The following ASB5 variants were observed in gnomAD, a reference collection of about 807,000 sequenced individuals.
The protein encoded by ASB5 is ankyrin repeat and SOCS box containing 5, also known as ankyrin repeat and SOCS box protein 5.
A neutral mutation model predicts 42.1 loss-of-function variants in ASB5; 45 were observed. That is an observed-to-expected ratio of 1.07 (90% confidence interval 0.84 to 1.37). The LOEUF is 1.37. Among genes scored for constraint, ASB5 ranks in the 40% most tolerant of loss-of-function variants. The pLI is 0.00. For missense variants in ASB5, 402 were observed against 399.8 expected, an observed-to-expected ratio of 1.01 and a Z score of -0.05; for synonymous variants, 147 against 150.6, an observed-to-expected ratio of 0.98 and a Z score of 0.18.
chr4:176,225,370 G>C, intron 1 of ASB5, 29 bp from the exon 2 acceptor site: 2 of 1,591,396 alleles, frequency 1.3e-6, no homozygotes, highest in Non-Finnish European at 1.7e-6. Flanking sequence ...AGAAAGAAAA[G>C]AAAACAAAAA....
intron 1 of ASB5, chr4:176,237,647 A>T: frequency 1.0e-5 from 9 of 890,644 alleles, no homozygotes; most frequent in Non-Finnish European, 1.2e-5. Flanking sequence ...ATGCTGGAGC[A>T]TTTTCTATTT....
At chr4:176,221,689 T>A (rs1039875558) in intron 3 of ASB5, 89 bp from the exon 4 acceptor site, 12 of 1,231,900 alleles carry the variant, frequency 9.7e-6, no homozygotes, top group Non-Finnish European at 1.3e-5. Context: ...TGTGATTTGC[T>A]AACAGAAATA....
At chr4:176,240,881 G>T (rs1753796895) in intron 1 of ASB5, among the ~76,000 whole-genome samples, 1 of 152,092 alleles carries the variant, frequency 6.6e-6, no homozygotes, top group African/African-American at 2.4e-5. Flanking sequence ...GTCAGAAAAA[G>T]AACATCAGGA....
chr4:176,216,708 C>T (rs1752979599), intron 6 of ASB5, 110 bp downstream of exon 6: 3 of 900,540 alleles, frequency 3.3e-6, no homozygotes, highest in Non-Finnish European at 5.0e-6. Flanking sequence ...AAATAATATT[C>T]CACATTTTAT....
intron 2 of ASB5, 95 bp downstream of exon 2, chr4:176,225,167 T>TGTA: frequency 1.1e-6 from 1 of 942,572 alleles, no homozygotes; most frequent in Non-Finnish European, 1.6e-6. Context: ...AGAAGTAAAA[T>TGTA]GTAAGTGGTT....
At chr4:176,274,947 C>T (rs1754538742) in intron 2 of ASB5, among the ~76,000 whole-genome samples, 1 of 120,094 alleles carries the variant, frequency 8.3e-6, no homozygotes, top group Non-Finnish European at 1.6e-5. Context: ...TGGAGTCTTA[C>T]TCTGTCGCCC....
chr4:176,217,039 T>A, intron 5 of ASB5, 30 bp from the exon 6 acceptor site: 2 of 1,527,578 alleles, frequency 1.3e-6, no homozygotes, highest in Non-Finnish European at 1.8e-6. Flanking sequence ...AAGATAAATA[T>A]AAATAAAAGT....
At chr4:176,271,402 A>G (rs555893636), upstream of ASB5, among the ~76,000 whole-genome samples, 3 of 152,338 alleles carry the variant, frequency 2.0e-5, no homozygotes, top group South Asian at 2.1e-4. Context: ...AGTATTGTGC[A>G]TCTATTTTCC....
At chr4:176,245,194 TTA>T (rs1359417950) in intron 1 of ASB5, among the ~76,000 whole-genome samples, 4 of 152,114 alleles carry the variant, frequency 2.6e-5, no homozygotes, top group African/African-American at 9.6e-5. Context: ...TTAAATAAAT[TTA>T]TGAGAAAAAA....
intron 1 of ASB5, among the ~76,000 whole-genome samples, chr4:176,244,757 AT>A (rs942455161): frequency 2.0e-5 from 3 of 152,160 alleles, no homozygotes; most frequent in Non-Finnish European, 2.9e-5. Flanking sequence ...CTACAAAAAA[AT>A]AATTTAAAAA....
In ASB5 at chr4:176,249,882, A is replaced by G. The variant is rs575387859; in HGVS notation, c.196+19031T>C. Among the ~76,000 whole-genome samples the G allele has an allele frequency of 7.5e-3, 1,139 of 151,494 alleles. 7 individuals carry two copies. Among genetic ancestry groups the G allele is most frequent in the African/African-American group, 0.023 (970 of 41,368 alleles). On this transcript the variant is annotated intron_variant, in intron 1 of 6. Transcript: ENST00000296525. Reference sequence around the variant, plus strand: ...AGATGGAGACCATCCTGGCTAACACAGTGAAACCCCGTCTCTACTAAAAAC... The same window carrying G: ...AGATGGAGACCATCCTGGCTAACACGGTGAAACCCCGTCTCTACTAAAAAC...
At chr4:176,258,485 T>G (rs1467883621) in intron 1 of ASB5, among the ~76,000 whole-genome samples, 1 of 152,210 alleles carries the variant, frequency 6.6e-6, no homozygotes, top group Non-Finnish European at 1.5e-5. Context: ...GAGAGTTATT[T>G]CAAGGACCAA....
intron 1 of ASB5, among the ~76,000 whole-genome samples, chr4:176,259,736 G>T (rs1318718750): frequency 6.6e-6 from 1 of 152,212 alleles, no homozygotes; most frequent in Admixed American, 6.5e-5. Flanking sequence ...ACACTTGACA[G>T]CTGAGGTGAG....
intron 1 of ASB5, among the ~76,000 whole-genome samples, chr4:176,239,895 G>A (rs886647300): frequency 2.0e-5 from 3 of 152,132 alleles, no homozygotes; most frequent in Non-Finnish European, 4.4e-5. Context: ...TTTTAAAAAT[G>A]ACTCCATGGA....
At chr4:176,222,029 C>T (rs969922421) in intron 3 of ASB5, among the ~76,000 whole-genome samples, 1 of 152,048 alleles carries the variant, frequency 6.6e-6, no homozygotes, top group Non-Finnish European at 1.5e-5. Context: ...GATGGGCAAA[C>T]GTTATAGACC....
intron 1 of ASB5, among the ~76,000 whole-genome samples, chr4:176,256,576 C>T (rs1414902801): frequency 1.3e-5 from 2 of 152,114 alleles, no homozygotes; most frequent in Non-Finnish European, 2.9e-5. Flanking sequence ...ATATACTCTG[C>T]TTATTTTTAA....
At position 176,221,138 on chromosome 4, in the gene ASB5, GT is replaced by G; in HGVS notation, c.670+16del. 8 of 1,605,300 alleles carry G rather than the reference GT, an allele frequency of 5.0e-6. No individual in the cohort carries two copies. Among genetic ancestry groups the G allele is most frequent in the Non-Finnish European group, 6.8e-6 (8 of 1,176,490 alleles). ...TGTGTGTATGGACAGAATGGAAGAT[GT>G]TTTAAAGGAAAATACCAGCATAAAG... On this transcript the variant is annotated intron_variant, in intron 5 of 6. Coordinates refer to ENST00000296525, the MANE Select transcript of ASB5 (RefSeq NM_080874.4).
At chr4:176,270,890 C>T (rs1442890355), upstream of ASB5, among the ~76,000 whole-genome samples, 3 of 152,116 alleles carry the variant, frequency 2.0e-5, no homozygotes, top group Non-Finnish European at 2.9e-5. Context: ...CTCTTCAGTG[C>T]TTCGGGATCA....
In ASB5 at chr4:176,222,308, C is replaced by T. The variant is rs1753237185; in HGVS notation, c.384+5G>A. 3 of 1,601,316 alleles carry T rather than the reference C, an allele frequency of 1.9e-6. No homozygotes were observed. The highest frequency in any genetic ancestry group is 1.3e-5 in the African/African-American group (1 of 74,770). On this transcript the variant is annotated splice_donor_5th_base_variant and intron_variant, in intron 3 of 6. Transcript: ENST00000296525. ...TAAATGATTAATGTTTTGAAAGGTA[C>T]TTACATTAGCTCCTGCTTCCAGCAG...
Sources: allele counts gnomAD v4.1 joint callset (sites outside exome capture counted in the v4.1 genomes callset), GRCh38; gene constraint gnomAD v4.1.1; transcripts MANE v1.5; gene names NCBI Gene and HGNC (gene_info 2026-07-23, HGNC 2026-07-21).